The following DOCK4 variants were observed in gnomAD, a reference collection of about 807,000 sequenced individuals.
The protein encoded by DOCK4 is dedicator of cytokinesis 4, also known as dedicator of cytokinesis protein 4.
A neutral mutation model predicts 268.1 loss-of-function variants in DOCK4; 97 were observed. The observed-to-expected ratio is 0.36, with a 90% CI of 0.31 to 0.43. The LOEUF (loss-of-function observed/expected upper bound fraction) is 0.43. Ranked by LOEUF, DOCK4 falls within the 20% of genes least tolerant of loss-of-function variation. The pLI, the probability that DOCK4 is intolerant of heterozygous loss-of-function variation, is 1.00. For synonymous variants in DOCK4, 954 were observed against 887.2 expected, an observed-to-expected ratio of 1.08 and a Z score of -1.34; for missense variants, 2,145 against 2,455.7, an observed-to-expected ratio of 0.87 and a Z score of 2.67.
chr7:111,836,437 T>G (rs1803248899), intron 25 of DOCK4, among the ~76,000 whole-genome samples: 1 of 151,888 alleles, frequency 6.6e-6, no homozygotes, highest in African/African-American at 2.4e-5. Flanking sequence ...ATTAAAAAAA[T>G]CCACCTGTCA....
Position 111,915,810 on chromosome 7 carries a change from C to T in DOCK4, c.1161G>A (p.Arg387=). Residue 387 remains arginine (R), a synonymous_variant, in exon 13 of 53, where the codon AGG becomes AGA. Transcript: ENST00000428084. Reference sequence around the variant, plus strand: ...TAATAATATTTGAAAATCCCAGCTTCCTTGTTATGGATACTCCATGAGAAA... The same window carrying T: ...TAATAATATTTGAAAATCCCAGCTTTCTTGTTATGGATACTCCATGAGAAA... ...SVFSHGVSIT[R]KLGFSNIIMP... is the part of the protein sequence containing the mutation. The T allele has an allele frequency of 6.2e-7, 1 of 1,613,192 alleles. No homozygotes were observed.
At position 111,988,990 on chromosome 7, in the gene DOCK4, C is replaced by G. The variant is rs549827193; in HGVS notation, c.464+25G>C. 3.1e-5 allele frequency: 50 copies of G among 1,591,102 alleles called. 1 individual carries two copies. In the South Asian group the frequency reaches 5.3e-4, roughly 17 times the overall value. On this transcript the variant is annotated intron_variant, in intron 6 of 52. Transcript: ENST00000428084. ...TTCCATTGTGTTCACCTACTAGAGGCCGCCCTGTGATGCTCAATACTCACT... is the reference window on the plus strand; with the variant it reads ...TTCCATTGTGTTCACCTACTAGAGGGCGCCCTGTGATGCTCAATACTCACT...
chr7:111,840,984 T>C, intron 25 of DOCK4: 2 of 459,094 alleles, frequency 4.4e-6, no homozygotes, highest in Non-Finnish European at 8.0e-6. Context: ...ACAACAACAA[T>C]ACCTGAAGCA....
chr7:111,866,888 G>A (rs935237284), intron 22 of DOCK4, among the ~76,000 whole-genome samples: 2 of 152,196 alleles, frequency 1.3e-5, no homozygotes, highest in African/African-American at 4.8e-5. Flanking sequence ...AGGAATGCAT[G>A]GTTAGCCTGG....
chr7:111,961,502 G>T (rs551170895), intron 8 of DOCK4, among the ~76,000 whole-genome samples: 1 of 152,270 alleles, frequency 6.6e-6, no homozygotes, highest in East Asian at 1.9e-4. Flanking sequence ...CTCACCTTTG[G>T]GAGGATAAAC....
intron 1 of DOCK4, among the ~76,000 whole-genome samples, chr7:112,096,357 C>CT (rs762353514): frequency 6.6e-6 from 1 of 151,640 alleles, no homozygotes; most frequent in Non-Finnish European, 1.5e-5. Flanking sequence ...TTATTTTTTA[C>CT]TTTTTGGTAG....
intron 22 of DOCK4, among the ~76,000 whole-genome samples, chr7:111,867,493 C>T (rs755730767): frequency 8.5e-5 from 13 of 152,106 alleles, no homozygotes; most frequent in Non-Finnish European, 1.5e-4. Context: ...TGGAGTTTGG[C>T]GGCAGCAGCA....
At chr7:112,117,604 C>CCTCCCA (rs1440186846) in intron 1 of DOCK4, among the ~76,000 whole-genome samples, 3 of 152,222 alleles carry the variant, frequency 2.0e-5, no homozygotes, top group African/African-American at 7.2e-5. Context: ...CTCCTGACCT[C>CCTCCCA]AGGTGATCCA....
At position 111,892,730 on chromosome 7, in the gene DOCK4, C is replaced by T. The variant is rs143030631; in HGVS notation, c.1587+2882G>A. Reference sequence around the variant, plus strand: ...ATCAGCAGGCTGTGTGCTTTCCTGTCGTGGCAGAAGAAGGATTATGTATTA... The same window carrying T: ...ATCAGCAGGCTGTGTGCTTTCCTGTTGTGGCAGAAGAAGGATTATGTATTA... On this transcript the variant is annotated intron_variant, in intron 16 of 52. Transcript: ENST00000428084. 7.7e-3 allele frequency among the ~76,000 whole-genome samples: 1,172 copies of T among 152,200 alleles called. 23 individuals carry two copies. Among genetic ancestry groups the T allele is most frequent in the African/African-American group, 0.023 (952 of 41,530 alleles).
intron 16 of DOCK4, among the ~76,000 whole-genome samples, chr7:111,892,368 C>G (rs1236873945): frequency 6.6e-6 from 1 of 152,040 alleles, no homozygotes; most frequent in Admixed American, 6.6e-5. Flanking sequence ...GCTGGACTAA[C>G]TTTTTTGATT....
In DOCK4 at chr7:112,005,963, A is replaced by G. The variant is rs377520920; in HGVS notation, c.38-1832T>C. 6.6e-5 allele frequency among the ~76,000 whole-genome samples: 10 copies of G among 152,122 alleles called. No individual in the cohort carries two copies. The East Asian group carries it at 1.7e-3, about 26-fold the overall frequency. On this transcript the variant is annotated intron_variant, in intron 1 of 52. Coordinates refer to ENST00000428084, the MANE Select transcript of DOCK4 (RefSeq NM_001363540.2). ...CAGTCCCCTCAATGTGGCCACACTCATTTTGCCTTCCAGGAATCTTCCCTT... is the reference window on the plus strand; with the variant it reads ...CAGTCCCCTCAATGTGGCCACACTCGTTTTGCCTTCCAGGAATCTTCCCTT...
At chr7:111,922,256 T>A (rs182360225) in intron 12 of DOCK4, among the ~76,000 whole-genome samples, 1 of 152,350 alleles carries the variant, frequency 6.6e-6, no homozygotes, top group Non-Finnish European at 1.5e-5. Context: ...GATTTTTGTT[T>A]GCTTCTCTTT....
Position 111,740,493 on chromosome 7 carries a change from G to C in DOCK4, c.5040+601C>G, listed in dbSNP as rs543669247. On this transcript the variant is annotated intron_variant, in intron 47 of 52. Coordinates refer to ENST00000428084, the MANE Select transcript of DOCK4 (RefSeq NM_001363540.2). ...CATGCCTGTAATCCCAGCACTTTGGGAGGCCAAATTGGGCAGATCACTTGA... is the reference window on the plus strand; with the variant it reads ...CATGCCTGTAATCCCAGCACTTTGGCAGGCCAAATTGGGCAGATCACTTGA... Among the ~76,000 whole-genome samples, 23 of 150,804 alleles carry C rather than the reference G, an allele frequency of 1.5e-4. No homozygotes were observed. In the East Asian group the frequency reaches 4.6e-3, roughly 30 times the overall value.
chr7:111,765,257 C>T, intron 38 of DOCK4, 35 bp from the exon 39 acceptor site: 1 of 1,204,986 alleles, frequency 8.3e-7, no homozygotes, highest in East Asian at 2.8e-5. Flanking sequence ...AGCATTTTAT[C>T]TCATCTTTCG....
intron 1 of DOCK4, among the ~76,000 whole-genome samples, chr7:112,074,703 T>A (rs1586768998): frequency 6.6e-6 from 1 of 152,188 alleles, no homozygotes; most frequent in East Asian, 1.9e-4. Flanking sequence ...TCAATCCAGT[T>A]GGCCAATTTT....
rs144297102 is a variant in DOCK4 at position 112,029,937 on chromosome 7, A to G, written c.38-25806T>C. 4.6e-3 allele frequency among the ~76,000 whole-genome samples: 700 copies of G among 152,354 alleles called. 4 individuals are homozygous for G. The Middle Eastern group carries it at 0.048, about 10-fold the overall frequency. Reference sequence around the variant, plus strand: ...ATCTCAAAAAAGATCTGAATATCTAAATCATTCCAAATGTAACTTTCTGAT... The same window carrying G: ...ATCTCAAAAAAGATCTGAATATCTAGATCATTCCAAATGTAACTTTCTGAT... On this transcript the variant is annotated intron_variant, in intron 1 of 52. Transcript: ENST00000428084.
intron 1 of DOCK4, among the ~76,000 whole-genome samples, chr7:112,098,390 G>A (rs1810346294): frequency 6.6e-6 from 1 of 151,804 alleles, no homozygotes; most frequent in Non-Finnish European, 1.5e-5. Flanking sequence ...TGTTGGTCAG[G>A]CTGGTCTCAA....
chr7:112,179,310 T>C (rs1299381052), intron 1 of DOCK4, among the ~76,000 whole-genome samples: 1 of 151,644 alleles, frequency 6.6e-6, no homozygotes, highest in East Asian at 1.9e-4. Flanking sequence ...CACTTGTGCC[T>C]GGGATGTCGA....
chr7:112,177,418 T>C (rs559570480), intron 1 of DOCK4, among the ~76,000 whole-genome samples: 2 of 152,318 alleles, frequency 1.3e-5, no homozygotes, highest in East Asian at 3.9e-4. Flanking sequence ...AACAGAACTG[T>C]TCGTTTAATG....
Sources: allele counts gnomAD v4.1 joint callset (sites outside exome capture counted in the v4.1 genomes callset), GRCh38; gene constraint gnomAD v4.1.1; transcripts MANE v1.5; gene names NCBI Gene and HGNC (gene_info 2026-07-23, HGNC 2026-07-21).